Variants in PARN observed in about 807,000 individuals in gnomAD.
PARN encodes the protein poly(A)-specific ribonuclease.
In PARN, 71 loss-of-function variants were observed where a neutral mutation model predicts 102.8. The ratio of observed to expected loss-of-function variants is 0.69; its 90% CI spans 0.57 to 0.84. The LOEUF (loss-of-function observed/expected upper bound fraction) is 0.84, where lower values mean the gene tolerates loss of function less well. PARN is among the 40% of genes least tolerant of loss of function. The pLI is 0.00. For missense variants in PARN, 782 were observed against 760.9 expected (o/e 1.03, Z -0.33); for synonymous variants, 261 against 252.9 (o/e 1.03, Z -0.30).
intron 16 of PARN, among the ~76,000 whole-genome samples, chr16:14,583,357 C>T (rs1466997824): frequency 1.3e-5 from 2 of 152,108 alleles, no homozygotes; most frequent in African/African-American, 4.8e-5. Context: ...AATGAAAAGG[C>T]TGTAACTGTT....
chr16:14,463,639 C>A (rs1238891237), intron 22 of PARN, among the ~76,000 whole-genome samples: 1 of 151,626 alleles, frequency 6.6e-6, no homozygotes, highest in Non-Finnish European at 1.5e-5. Flanking sequence ...AGATAAAGAC[C>A]CAGCAATAGT....
chr16:14,479,196 T>C (rs773425896), intron 22 of PARN, among the ~76,000 whole-genome samples: 1 of 151,650 alleles, frequency 6.6e-6, no homozygotes, highest in Non-Finnish European at 1.5e-5. Context: ...AGGTAGGAGG[T>C]TGACTTGAAC....
chr16:14,547,107 GA>G (rs34979506), intron 21 of PARN, among the ~76,000 whole-genome samples: 3 of 147,320 alleles, frequency 2.0e-5, no homozygotes, highest in East Asian at 4.0e-4. Flanking sequence ...AAAAAAAAAA[GA>G]AAAAAAAAGA....
At chr16:14,573,446 C>T (rs1968927820) in intron 18 of PARN, among the ~76,000 whole-genome samples, 1 of 152,112 alleles carries the variant, frequency 6.6e-6, no homozygotes, top group Non-Finnish European at 1.5e-5. Flanking sequence ...TGTCCTTTGA[C>T]CAATATCTCC....
At chr16:14,622,491 A>T (rs1180175996) in intron 5 of PARN, among the ~76,000 whole-genome samples, 2 of 152,202 alleles carry the variant, frequency 1.3e-5, no homozygotes, top group African/African-American at 4.8e-5. Flanking sequence ...GTTGCATAAA[A>T]TGTGAAATTA....
At chr16:14,591,194 T>A (rs1970173737) in intron 13 of PARN, among the ~76,000 whole-genome samples, 1 of 151,482 alleles carries the variant, frequency 6.6e-6, no homozygotes, top group African/African-American at 2.4e-5. Context: ...ATCGAGACCA[T>A]CCTGGCCAAC....
intron 7 of PARN, among the ~76,000 whole-genome samples, 196 bp downstream of exon 7, chr16:14,610,448 G>A (rs1324816411): frequency 2.0e-5 from 3 of 150,806 alleles, no homozygotes; most frequent in Non-Finnish European, 4.4e-5. Context: ...ACTCCAGCCT[G>A]GGCAAAAGAG....
intron 17 of PARN, 92 bp from the exon 18 acceptor site, chr16:14,581,035 G>C: frequency 1.4e-6 from 1 of 714,498 alleles, no homozygotes; most frequent in Non-Finnish European, 2.5e-6. Flanking sequence ...TTAACAGCAT[G>C]GTTCAACAAG....
intron 13 of PARN, among the ~76,000 whole-genome samples, chr16:14,588,844 T>C (rs1970008237): frequency 1.3e-5 from 2 of 152,086 alleles, no homozygotes; most frequent in South Asian, 2.1e-4. Context: ...ATCACACCAC[T>C]GCACTCCAGC....
In PARN at chr16:14,584,397, G is replaced by T; in HGVS notation, c.1031C>A (p.Ala344Glu). ...CTCTTTTAACCGCTTTTCCAATTCC[G>T]CAAGGGATGTGTTGTTAATGATATC... ...FKDIINNTSL[A>E]ELEKRLKETP... The change falls in exon 16 of 24, where the codon GCG (alanine) becomes GAG (glutamate). Residue 344 changes from alanine (A) to glutamate (E), a missense_variant. Physicochemically the swap from Ala to Glu is moderately radical, Grantham distance 107 (BLOSUM62 -1). Transcript: ENST00000437198. The T allele has an allele frequency of 6.2e-7, 1 of 1,612,950 alleles. No individual in the cohort carries two copies. The highest frequency in any genetic ancestry group is 8.5e-7 in the Non-Finnish European group (1 of 1,179,234).
intron 23 of PARN, among the ~76,000 whole-genome samples, chr16:14,442,024 T>A (rs1246818931): frequency 6.6e-6 from 1 of 152,200 alleles, no homozygotes; most frequent in South Asian, 2.1e-4. Context: ...AAAAAGACTT[T>A]GAACAATGTC....
chr16:14,619,831 G>A (rs1044194135), intron 5 of PARN, among the ~76,000 whole-genome samples: 5 of 151,842 alleles, frequency 3.3e-5, no homozygotes, highest in Admixed American at 2.6e-4. Context: ...CAGCACTTTC[G>A]GAGGCTGAGG....
intron 18 of PARN, among the ~76,000 whole-genome samples, chr16:14,560,683 A>T (rs1382979084): frequency 6.6e-6 from 1 of 152,168 alleles, no homozygotes; most frequent in Non-Finnish European, 1.5e-5. Context: ...CTCCAGGGTA[A>T]AGCACAGCAT....
At chr16:14,612,210 G>A (rs1162964928) in intron 6 of PARN, among the ~76,000 whole-genome samples, 2 of 152,096 alleles carry the variant, frequency 1.3e-5, no homozygotes, top group East Asian at 1.9e-4. Context: ...AGGCCGAGGC[G>A]GGCGGATCAC....
chr16:14,577,083 A>G (rs1340861409), intron 18 of PARN, among the ~76,000 whole-genome samples: 1 of 152,252 alleles, frequency 6.6e-6, no homozygotes, highest in Non-Finnish European at 1.5e-5. Context: ...TGGTGAGAGC[A>G]AAATAAAATA....
chr16:14,615,912 A>C (rs933518199), intron 6 of PARN, among the ~76,000 whole-genome samples: 2 of 151,964 alleles, frequency 1.3e-5, no homozygotes, highest in African/African-American at 2.4e-5. Flanking sequence ...AAAAAAAAAA[A>C]AAAACACCAC....
intron 10 of PARN, 69 bp from the exon 11 acceptor site, chr16:14,604,295 T>C (rs1479565056): frequency 8.0e-6 from 8 of 1,003,008 alleles, no homozygotes; most frequent in East Asian, 7.8e-5. Context: ...AGTTTCGCTC[T>C]TGTTGCTCAG....
chr16:14,591,262 A>C lies in PARN; in HGVS notation c.918+2039T>G, dbSNP rs1970177645. On this transcript the variant is annotated intron_variant, in intron 13 of 23. Coordinates refer to ENST00000437198, the MANE Select transcript of PARN (RefSeq NM_002582.4). Reference sequence around the variant, plus strand: ...AAAAATTAGCAGGGCGTGGTGGTGCACGCCTGTAGTCCCAGCTACTCGGGA... The same window carrying C: ...AAAAATTAGCAGGGCGTGGTGGTGCCCGCCTGTAGTCCCAGCTACTCGGGA... 2.6e-5 allele frequency among the ~76,000 whole-genome samples: 4 copies of C among 151,992 alleles called. No individual in the cohort carries two copies. In the South Asian group the frequency reaches 8.3e-4, roughly 32 times the overall value.
At chr16:14,601,565 C>T (rs1158317054) in intron 11 of PARN, among the ~76,000 whole-genome samples, 1 of 152,110 alleles carries the variant, frequency 6.6e-6, no homozygotes, top group Non-Finnish European at 1.5e-5. Flanking sequence ...CTTGATGTCA[C>T]TGAACTATAC....
Sources: gnomAD v4.1 joint callset for allele counts (sites outside exome capture counted in the v4.1 genomes callset) on GRCh38, gnomAD v4.1.1 for gene constraint, MANE v1.5 for transcripts, NCBI Gene and HGNC (gene_info 2026-07-23, HGNC 2026-07-21) for gene names.